Variants in MYBL2 observed in about 807,000 individuals in gnomAD.
MYBL2 encodes MYB proto-oncogene like 2.
In MYBL2, 28 loss-of-function variants were observed where a neutral mutation model predicts 79.9. That is an observed-to-expected ratio of 0.35 (90% CI 0.26 to 0.48). The LOEUF is 0.48. MYBL2 is among the 20% of genes least tolerant of loss of function. MYBL2 has a pLI of 0.99. For missense variants in MYBL2, 735 were observed against 893.9 expected, an observed-to-expected ratio of 0.82 and a Z score of 2.27; for synonymous variants, 378 against 361.2, an observed-to-expected ratio of 1.05 and a Z score of -0.53.
chr20:43,696,544 T>A (rs1387638883), intron 6 of MYBL2, among the ~76,000 whole-genome samples: 3 of 152,416 alleles, frequency 2.0e-5, no homozygotes, highest in Middle Eastern at 3.4e-3. Flanking sequence ...TGTCTTACTC[T>A]TTTACAACTT....
At chr20:43,687,358 T>C (rs1987301401) in intron 5 of MYBL2, among the ~76,000 whole-genome samples, 2 of 152,204 alleles carry the variant, frequency 1.3e-5, no homozygotes, top group South Asian at 4.1e-4. Context: ...GCTCACTGTG[T>C]CTTCTTGGTT....
chr20:43,685,894 G>A (rs759551278), intron 4 of MYBL2, among the ~76,000 whole-genome samples: 5 of 151,850 alleles, frequency 3.3e-5, no homozygotes, highest in East Asian at 3.9e-4. Context: ...AAAATTAGCC[G>A]GGCATGGTGG....
chr20:43,683,859 C>G (rs539183518), intron 4 of MYBL2, among the ~76,000 whole-genome samples: 28 of 151,820 alleles, frequency 1.8e-4, no homozygotes, highest in African/African-American at 6.8e-4. Flanking sequence ...TGGCCTGGAA[C>G]TAGGCGTTTT....
intron 6 of MYBL2, among the ~76,000 whole-genome samples, chr20:43,699,383 T>G (rs1987630973): frequency 6.6e-6 from 1 of 152,188 alleles, no homozygotes; most frequent in Admixed American, 6.5e-5. Flanking sequence ...CATTTGAGAG[T>G]TAGTTATGTA....
chr20:43,683,960 G>A (rs185945947), intron 4 of MYBL2, among the ~76,000 whole-genome samples: 13 of 151,982 alleles, frequency 8.6e-5, no homozygotes, highest in African/African-American at 2.9e-4. Context: ...GCGGGGGTTC[G>A]CTCTGTCACC....
intron 11 of MYBL2, 29 bp from the exon 12 acceptor site, chr20:43,712,973 C>CTA: frequency 6.4e-7 from 1 of 1,559,744 alleles, no homozygotes; most frequent in Non-Finnish European, 8.8e-7. Context: ...GACACTCACC[C>CTA]TAACCCCCTT....
chr20:43,689,827 G>A (rs183909884), intron 5 of MYBL2, among the ~76,000 whole-genome samples: 2 of 152,168 alleles, frequency 1.3e-5, no homozygotes, highest in Admixed American at 6.5e-5. Context: ...TTTTATATGC[G>A]AGCAAAAGAA....
Position 43,712,393 on chromosome 20 carries a change from TCTGGCCTCCAGGGTCCTCC to T in MYBL2, c.1720-600_1720-582del, listed in dbSNP as rs574465937. ...ATGTGCACGTGGAGAGAACTTGGCC[TCTGGCCTCCAGGGTCCTCC>T]CTGGCCTCTCCTTGGTGGGGATGGT... On this transcript the variant is annotated intron_variant, in intron 11 of 13. Coordinates refer to ENST00000217026, the MANE Select transcript of MYBL2 (RefSeq NM_002466.4). Among the ~76,000 whole-genome samples the T allele has an allele frequency of 3.9e-5, 6 of 152,296 alleles. No homozygotes were observed. In the East Asian group the frequency reaches 7.7e-4, roughly 20 times the overall value.
chr20:43,695,902 C>T (rs1007646178), intron 6 of MYBL2, among the ~76,000 whole-genome samples: 7 of 152,038 alleles, frequency 4.6e-5, no homozygotes, highest in African/African-American at 9.7e-5. Flanking sequence ...CCCAGCTACT[C>T]GGGAGGCTGA....
At chr20:43,715,337 G>C (rs965352855) in intron 13 of MYBL2, 54 bp downstream of exon 13, 1 of 1,609,830 alleles carries the variant, frequency 6.2e-7, no homozygotes, top group Non-Finnish European at 8.5e-7. Flanking sequence ...TCTTAGCTCA[G>C]GGCTGAGTGC....
At chr20:43,704,204 C>T (rs1378018255) in intron 8 of MYBL2, among the ~76,000 whole-genome samples, 1 of 152,048 alleles carries the variant, frequency 6.6e-6, no homozygotes, top group African/African-American at 2.4e-5. Flanking sequence ...TTAGTAGAGA[C>T]AGGGTTTCTC....
intron 5 of MYBL2, 95 bp from the exon 6 acceptor site, chr20:43,692,062 A>G: frequency 4.3e-6 from 5 of 1,174,286 alleles, no homozygotes; most frequent in Non-Finnish European, 6.1e-6. Flanking sequence ...ATTCATTTAC[A>G]GGAGCAGGAA....
chr20:43,685,215 T>C (rs1987243964), intron 4 of MYBL2, among the ~76,000 whole-genome samples: 1 of 151,806 alleles, frequency 6.6e-6, no homozygotes, highest in African/African-American at 2.4e-5. Context: ...AGTTTCGCTC[T>C]TGTTGCCCAG....
chr20:43,707,047 G>A (rs1273577823), intron 9 of MYBL2, among the ~76,000 whole-genome samples: 2 of 151,664 alleles, frequency 1.3e-5, no homozygotes, highest in Admixed American at 6.6e-5. Context: ...GGGCGTGGCC[G>A]TGTGTGCCTG....
chr20:43,702,652 C>T lies in MYBL2; in HGVS notation c.1114C>T (p.Arg372Cys), dbSNP rs772918018. The T allele has an allele frequency of 7.4e-6, 12 of 1,614,062 alleles. No homozygotes were observed. The highest frequency in any genetic ancestry group is 3.3e-5 in the Admixed American group (2 of 60,020). Residue 372 changes from arginine to cysteine, a missense_variant, in exon 8 of 14, where the codon CGC (arginine) becomes TGC (cysteine). Around this residue, in one of 5 missense-constraint regions of MYBL2, gnomAD observed 243 missense variants for 327.2 expected, o/e 0.74. Transcript: ENST00000217026. ...CCTGGTGCCCAGTGTGACCGAGTAC[C>T]GCCTGGATGGCCACACCATCTCAGA... ...SALVPSVTEY[R>C]LDGHTISDLS...
At chr20:43,706,216 A>G (rs1024675056) in intron 9 of MYBL2, among the ~76,000 whole-genome samples, 19 of 152,252 alleles carry the variant, frequency 1.2e-4, no homozygotes, top group African/African-American at 4.6e-4. Flanking sequence ...TTCAGGTGCA[A>G]ATTCGTTGTG....
intron 3 of MYBL2, 60 bp downstream of exon 3, chr20:43,681,915 C>T: frequency 6.4e-7 from 1 of 1,566,836 alleles, no homozygotes; most frequent in Non-Finnish European, 8.8e-7. Flanking sequence ...AACAGTGTGC[C>T]TGGGACAGAC....
At chr20:43,675,017 CTG>C in intron 2 of MYBL2, among the ~76,000 whole-genome samples, 1 of 151,868 alleles carries the variant, frequency 6.6e-6, no homozygotes, top group Non-Finnish European at 1.5e-5. Flanking sequence ...GGTTTTTGCT[CTG>C]TCACCCAGGC....
At chr20:43,699,390 T>C (rs1471917551) in intron 6 of MYBL2, among the ~76,000 whole-genome samples, 1 of 152,252 alleles carries the variant, frequency 6.6e-6, no homozygotes, top group Non-Finnish European at 1.5e-5. Context: ...GAGTTAGTTA[T>C]GTAGCATAGA....
Sources: gnomAD v4.1 joint callset for allele counts (sites outside exome capture counted in the v4.1 genomes callset) on GRCh38, gnomAD v4.1.1 for gene constraint, gnomAD v4.1.1 regional missense constraint, MANE v1.5 for transcripts, NCBI Gene and HGNC (gene_info 2026-07-23, HGNC 2026-07-21) for gene names.